The following DZIP3 variants were observed in gnomAD, a reference collection of about 807,000 sequenced individuals.
DZIP3 encodes the protein DAZ interacting zinc finger protein 3.
Under a neutral mutation model 162.0 loss-of-function variants are expected in DZIP3, and 118 were observed. The ratio of observed to expected loss-of-function variants is 0.73; its 90% confidence interval spans 0.63 to 0.85. The LOEUF (loss-of-function observed/expected upper bound fraction) is 0.85. Ranked by LOEUF, DZIP3 falls within the 40% of genes least tolerant of loss-of-function variation. The pLI, the probability that DZIP3 is intolerant of heterozygous loss-of-function variation, is 0.00. For missense variants in DZIP3, 1,331 were observed against 1,407.0 expected (o/e 0.95, Z 0.86); for synonymous variants, 438 against 458.6 (o/e 0.96, Z 0.57).
At chr3:108,657,741 A>G (rs1329011091) in intron 19 of DZIP3, among the ~76,000 whole-genome samples, 1 of 152,152 alleles carries the variant, frequency 6.6e-6, no homozygotes, top group African/African-American at 2.4e-5. Flanking sequence ...TATTCAGGAA[A>G]CCCATCTCAC....
chr3:108,593,318 AAGAT>A (rs1349210543), intron 1 of DZIP3, among the ~76,000 whole-genome samples: 1 of 152,188 alleles, frequency 6.6e-6, no homozygotes, highest in African/African-American at 2.4e-5. Context: ...TGAAAAAACT[AAGAT>A]AGGAAGGGGA....
intron 1 of DZIP3, among the ~76,000 whole-genome samples, chr3:108,602,574 C>T (rs1484882821): frequency 2.6e-5 from 4 of 152,146 alleles, no homozygotes. Flanking sequence ...TAGTTTACTG[C>T]CGACAGGGAA....
At chr3:108,622,880 C>CTCTGTGTGTGTGTG (rs796232998) in intron 5 of DZIP3, among the ~76,000 whole-genome samples, 4 of 53,096 alleles carry the variant, frequency 7.5e-5, no homozygotes, top group African/African-American at 3.1e-4. Context: ...CTCTCTCTCT[C>CTCTGTGTGTGTGTG]TGTGTGTGTG....
intron 19 of DZIP3, 142 bp from the exon 20 acceptor site, chr3:108,661,733 AGG>A: frequency 1.7e-6 from 1 of 588,950 alleles, no homozygotes; most frequent in Non-Finnish European, 3.0e-6. Flanking sequence ...GCTGTAATTG[AGG>A]GGAGGTGGGT....
intron 1 of DZIP3, among the ~76,000 whole-genome samples, chr3:108,593,708 C>T (rs191565491): frequency 2.0e-3 from 280 of 141,716 alleles, no homozygotes; most frequent in African/African-American, 6.9e-3. Flanking sequence ...TATGGTTTCA[C>T]TCTGTTGCCC....
At chr3:108,693,270 G>T (rs1576484310) in intron 32 of DZIP3, 90 bp from the exon 33 acceptor site, 1 of 150,220 alleles carries the variant, frequency 6.7e-6, no homozygotes, top group Admixed American at 6.7e-5. Flanking sequence ...GGAAATTTAT[G>T]TTCCTTCTAA....
chr3:108,693,060 A>G (rs776840079), intron 32 of DZIP3, among the ~76,000 whole-genome samples: 3 of 151,606 alleles, frequency 2.0e-5, no homozygotes, highest in Non-Finnish European at 4.4e-5. Context: ...TCCACAGTCA[A>G]AGCAATTACA....
intron 1 of DZIP3, among the ~76,000 whole-genome samples, chr3:108,599,911 C>T (rs1939910457): frequency 6.6e-6 from 1 of 152,136 alleles, no homozygotes; most frequent in Non-Finnish European, 1.5e-5. Flanking sequence ...TCTGTTGTTT[C>T]TATAGTACTT....
In DZIP3 at chr3:108,625,181, A is replaced by G. The variant is rs549740741; in HGVS notation, c.456+657A>G. On this transcript the variant is annotated intron_variant, in intron 6 of 32. Transcript: ENST00000361582. ...TTTTTTTTCTAGAGAGACTGAGGCC[A>G]TTATGCCTTTTTCACTGAAGCATCT... Among the ~76,000 whole-genome samples the G allele has an allele frequency of 2.8e-4, 43 of 152,222 alleles. 1 individual carries two copies. The South Asian group carries it at 8.3e-3, about 29-fold the overall frequency.
intron 4 of DZIP3, among the ~76,000 whole-genome samples, chr3:108,614,626 C>CT (rs1179060609): frequency 1.3e-5 from 2 of 152,014 alleles, no homozygotes; most frequent in Non-Finnish European, 2.9e-5. Flanking sequence ...GCCTCAGGGC[C>CT]TTTTTTTCTA....
At chr3:108,622,874 C>G (rs71633457) in intron 5 of DZIP3, among the ~76,000 whole-genome samples, 38 of 105,272 alleles carry the variant, frequency 3.6e-4, no homozygotes, top group African/African-American at 9.0e-4. Flanking sequence ...CTCTCTCTCT[C>G]TCTCTCTGTG....
intron 27 of DZIP3, 129 bp downstream of exon 27, chr3:108,684,470 A>T (rs1559785586): frequency 8.5e-7 from 1 of 1,173,590 alleles, no homozygotes; most frequent in African/African-American, 1.6e-5. Context: ...TGATAATTGA[A>T]TGAATACTTC....
chr3:108,684,117 C>A, intron 26 of DZIP3, 99 bp from the exon 27 acceptor site: 1 of 1,348,974 alleles, frequency 7.4e-7, no homozygotes, highest in South Asian at 1.6e-5. Context: ...GAGTGTTCCC[C>A]CCGCCATATT....
At chr3:108,614,203 A>G (rs1266630240) in intron 4 of DZIP3, among the ~76,000 whole-genome samples, 1 of 152,232 alleles carries the variant, frequency 6.6e-6, no homozygotes. Context: ...TGGAAAGACC[A>G]ATCAAATTGA....
intron 26 of DZIP3, among the ~76,000 whole-genome samples, chr3:108,679,525 G>A (rs1334397467): frequency 6.6e-6 from 1 of 152,072 alleles, no homozygotes; most frequent in African/African-American, 2.4e-5. Context: ...GCTTGATTAA[G>A]CTAACAGTTG....
At chr3:108,631,885 A>T (rs1014524284) in intron 8 of DZIP3, among the ~76,000 whole-genome samples, 3 of 151,494 alleles carry the variant, frequency 2.0e-5, no homozygotes, top group Non-Finnish European at 4.4e-5. Flanking sequence ...TATATATTTC[A>T]TAATATTTTC....
chr3:108,618,785 G>A (rs139354802), intron 5 of DZIP3, among the ~76,000 whole-genome samples: 3 of 152,110 alleles, frequency 2.0e-5, no homozygotes, highest in African/African-American at 7.2e-5. Context: ...CTTATGGGCC[G>A]GGCGCGGTGG....
chr3:108,688,527 T>C (rs1026718987), intron 29 of DZIP3, 66 bp from the exon 30 acceptor site: 1 of 1,534,430 alleles, frequency 6.5e-7, no homozygotes, highest in Non-Finnish European at 8.9e-7. Flanking sequence ...CGTTCTGTAC[T>C]AATGTTTCAG....
chr3:108,676,294 T>C (rs751570280), intron 25 of DZIP3, among the ~76,000 whole-genome samples: 5 of 152,044 alleles, frequency 3.3e-5, no homozygotes, highest in Admixed American at 6.6e-5. Context: ...GCCTGGACAA[T>C]AGAGTGAGAC....
Sources: allele counts gnomAD v4.1 joint callset (sites outside exome capture counted in the v4.1 genomes callset), GRCh38; gene constraint gnomAD v4.1.1; transcripts MANE v1.5; gene names NCBI Gene and HGNC (gene_info 2026-07-23, HGNC 2026-07-21).